DROSHA: variants seen among roughly 807,000 people sequenced by gnomAD.
DROSHA encodes the protein drosha ribonuclease III.
A neutral mutation model predicts 181.9 loss-of-function variants in DROSHA; 56 were observed. The observed-to-expected ratio is 0.31, with a 90% CI of 0.25 to 0.38. The LOEUF is 0.38. Among genes scored for constraint, DROSHA ranks in the 10% least tolerant of loss-of-function variants. The probability of loss-of-function intolerance (pLI) is 1.00; values close to 1 mark genes in which losing one functional copy is unlikely to be tolerated. For missense variants in DROSHA, 1,218 were observed against 1,743.5 expected (o/e 0.70, Z 5.37); for synonymous variants, 524 against 591.2 (o/e 0.89, Z 1.65).
At chr5:31,443,676 A>G (rs1454181240) in intron 23 of DROSHA, among the ~76,000 whole-genome samples, 1 of 152,208 alleles carries the variant, frequency 6.6e-6, no homozygotes, top group African/African-American at 2.4e-5. Context: ...CAGGCTATCA[A>G]GAATTATTTA....
chr5:31,405,640 A>AAT, intron 35 of DROSHA, 37 bp downstream of exon 35: 1 of 1,520,100 alleles, frequency 6.6e-7, no homozygotes, highest in Non-Finnish European at 8.8e-7. Context: ...CACTCATTAC[A>AAT]TTATGAACAT....
intron 16 of DROSHA, among the ~76,000 whole-genome samples, chr5:31,477,706 T>C (rs1310144181): frequency 2.0e-5 from 3 of 152,216 alleles, no homozygotes; most frequent in Non-Finnish European, 4.4e-5. Flanking sequence ...GGCTTTCCCC[T>C]AAGTGTGATC....
chr5:31,472,004 C>T (rs987378606), intron 17 of DROSHA, 59 bp downstream of exon 17: 8 of 1,443,326 alleles, frequency 5.5e-6, no homozygotes, highest in Non-Finnish European at 7.4e-6. Context: ...TTTCATGAAA[C>T]ATTCAGATCT....
intron 26 of DROSHA, among the ~76,000 whole-genome samples, chr5:31,430,795 G>T (rs1417299852): frequency 2.0e-5 from 3 of 152,152 alleles, no homozygotes; most frequent in Admixed American, 1.3e-4. Context: ...ACTATCATCA[G>T]CATGAAACTA....
At chr5:31,435,001 C>T (rs1363334256) in intron 25 of DROSHA, among the ~76,000 whole-genome samples, 1 of 152,200 alleles carries the variant, frequency 6.6e-6, no homozygotes, top group African/African-American at 2.4e-5. Flanking sequence ...ATTTAATTCT[C>T]ACAACCAGGC....
intron 13 of DROSHA, 193 bp from the exon 14 acceptor site, chr5:31,486,755 G>A: frequency 2.0e-6 from 1 of 503,024 alleles, no homozygotes; most frequent in Non-Finnish European, 3.5e-6. Context: ...AGCTGGCCTG[G>A]CCTCGCCAAG....
chr5:31,424,548 A>G, intron 27 of DROSHA, 77 bp from the exon 28 acceptor site: 1 of 1,481,298 alleles, frequency 6.8e-7, no homozygotes, highest in Admixed American at 2.3e-5. Flanking sequence ...AAATGTCATT[A>G]TTTGAAATAC....
intron 3 of DROSHA, among the ~76,000 whole-genome samples, chr5:31,529,734 C>CAAAAAAAAAAAACAAAAAAAAAAAA (rs1741031817): frequency 1.1e-5 from 1 of 91,330 alleles, no homozygotes; most frequent in Admixed American, 1.1e-4. Context: ...AAAAAACAAA[C>CAAAAAAAAAAAACAAAAAAAAAAAA]AAAAAAAAAA....
At chr5:31,511,430 C>A (rs1170131696) in intron 8 of DROSHA, among the ~76,000 whole-genome samples, 3 of 152,128 alleles carry the variant, frequency 2.0e-5, no homozygotes, top group African/African-American at 7.2e-5. Flanking sequence ...ACAGGCCAGG[C>A]GTGCTGGCTC....
intron 24 of DROSHA, 103 bp from the exon 25 acceptor site, chr5:31,435,967 G>T: frequency 1.1e-6 from 1 of 937,112 alleles, no homozygotes; most frequent in Non-Finnish European, 1.6e-6. Flanking sequence ...CTGTGCAATG[G>T]ATATCAGGTG....
intron 8 of DROSHA, among the ~76,000 whole-genome samples, chr5:31,513,657 C>T (rs1738945276): frequency 6.6e-6 from 1 of 152,194 alleles, no homozygotes. Flanking sequence ...TCCTTTCAAG[C>T]TCCCCACAGA....
At chr5:31,518,988 A>G (rs1739574943) in intron 6 of DROSHA, among the ~76,000 whole-genome samples, 1 of 152,152 alleles carries the variant, frequency 6.6e-6, no homozygotes, top group South Asian at 2.1e-4. Flanking sequence ...CACAGAAACA[A>G]AAGATCTTTT....
chr5:31,497,747 C>G (rs555535350), intron 11 of DROSHA, among the ~76,000 whole-genome samples: 3 of 152,228 alleles, frequency 2.0e-5, no homozygotes, highest in Non-Finnish European at 4.4e-5. Context: ...CCCCAGCTGT[C>G]GTGTTGGTGG....
At chr5:31,407,295 T>C (rs1443543805) in intron 33 of DROSHA, among the ~76,000 whole-genome samples, 1 of 152,238 alleles carries the variant, frequency 6.6e-6, no homozygotes, top group Non-Finnish European at 1.5e-5. Context: ...TAAGAGCTCC[T>C]GTCTATTGGT....
At chr5:31,431,147 T>C (rs1459279240) in intron 26 of DROSHA, among the ~76,000 whole-genome samples, 2 of 152,128 alleles carry the variant, frequency 1.3e-5, no homozygotes, top group African/African-American at 2.4e-5. Flanking sequence ...TTAAAAGATG[T>C]GGTGTTCTCA....
At chr5:31,490,943 G>A (rs765026180) in intron 13 of DROSHA, among the ~76,000 whole-genome samples, 14 of 151,892 alleles carry the variant, frequency 9.2e-5, no homozygotes, top group Non-Finnish European at 1.3e-4. Context: ...AATTTTTTCT[G>A]TCCTTTTGTT....
At chr5:31,512,858 C>A (rs1046316581) in intron 8 of DROSHA, among the ~76,000 whole-genome samples, 5 of 152,198 alleles carry the variant, frequency 3.3e-5, no homozygotes, top group Non-Finnish European at 7.3e-5. Context: ...ACACAAGGTC[C>A]TCTGTCCTCC....
At chr5:31,480,411 G>A (rs964503194) in intron 16 of DROSHA, among the ~76,000 whole-genome samples, 1 of 151,852 alleles carries the variant, frequency 6.6e-6, no homozygotes, top group Non-Finnish European at 1.5e-5. Context: ...CTAATACATG[G>A]TGTTTCAAGT....
intron 12 of DROSHA, among the ~76,000 whole-genome samples, chr5:31,494,725 G>T (rs576089670): frequency 1.3e-5 from 2 of 151,660 alleles, no homozygotes; most frequent in African/African-American, 4.9e-5. Flanking sequence ...TCACACTGTC[G>T]CCCAGGCTGG....
Sources: gnomAD v4.1 joint callset for allele counts (sites outside exome capture counted in the v4.1 genomes callset) on GRCh38, gnomAD v4.1.1 for gene constraint, MANE v1.5 for transcripts, NCBI Gene and HGNC (gene_info 2026-07-23, HGNC 2026-07-21) for gene names.